The following FRAS1 variants were observed in gnomAD, a reference collection of about 807,000 sequenced individuals.
The protein encoded by FRAS1 is extracellular matrix organizing protein FRAS1.
In FRAS1, 290 loss-of-function variants were observed where a neutral mutation model predicts 435.2. That is an observed-to-expected ratio of 0.67 (90% CI 0.61 to 0.73). FRAS1 has a LOEUF of 0.73. Ranked by LOEUF, FRAS1 falls within the 30% of genes least tolerant of loss-of-function variation. FRAS1 has a pLI of 0.00. For missense variants in FRAS1, 4,860 were observed against 5,001.5 expected (o/e 0.97, Z 0.85); for synonymous variants, 1,800 against 1,851.0 (o/e 0.97, Z 0.71).
intron 2 of FRAS1, among the ~76,000 whole-genome samples, chr4:78,127,730 T>A (rs72860652): frequency 0.021 from 3,120 of 152,072 alleles, 104 homozygotes; most frequent in African/African-American, 0.07. Flanking sequence ...AGTAAGTTTT[T>A]TTTATTTATT....
At chr4:78,298,003 C>CCTCTCTCTCTCT (rs765903880) in intron 14 of FRAS1, among the ~76,000 whole-genome samples, 3 of 119,264 alleles carry the variant, frequency 2.5e-5, no homozygotes, top group Admixed American at 1.8e-4. Flanking sequence ...TTAATTTGTT[C>CCTCTCTCTCTCT]CTCTCTCTCT....
At chr4:78,418,322 T>C (rs916376071) in intron 32 of FRAS1, among the ~76,000 whole-genome samples, 2 of 152,208 alleles carry the variant, frequency 1.3e-5, no homozygotes, top group African/African-American at 4.8e-5. Context: ...TGGGGTGGGT[T>C]CACTTTTAGC....
At chr4:78,157,029 C>T (rs1007415046) in intron 2 of FRAS1, among the ~76,000 whole-genome samples, 2 of 152,158 alleles carry the variant, frequency 1.3e-5, no homozygotes, top group Non-Finnish European at 2.9e-5. Context: ...GGAAGTTTCT[C>T]GTTTAAGCTC....
chr4:78,169,596 T>C (rs1165012746), intron 2 of FRAS1, among the ~76,000 whole-genome samples: 1 of 152,164 alleles, frequency 6.6e-6, no homozygotes, highest in East Asian at 1.9e-4. Context: ...ATTATTATTG[T>C]ATTTTATTAT....
At position 78,334,246 on chromosome 4, in the gene FRAS1, C is replaced by T. The variant is rs932599300; in HGVS notation, c.2278+834C>T. On this transcript the variant is annotated intron_variant, in intron 19 of 73. Transcript: ENST00000512123. ...CACATCTTAGAAGCAACAAATATTA[C>T]CCTGGTGATAGATTCCTTTTTGATC... is the stretch of plus-strand genomic sequence containing the variant. Among the ~76,000 whole-genome samples the T allele has an allele frequency of 2.0e-5, 3 of 152,032 alleles. No homozygotes were observed. The South Asian group carries it at 6.2e-4, about 32-fold the overall frequency.
chr4:78,481,398 A>G (rs1333855580), intron 56 of FRAS1, among the ~76,000 whole-genome samples: 1 of 152,128 alleles, frequency 6.6e-6, no homozygotes, highest in Non-Finnish European at 1.5e-5. Context: ...TTAATTGACT[A>G]TTTTCTGACA....
intron 27 of FRAS1, 34 bp downstream of exon 27, chr4:78,380,030 C>G (rs764606539): frequency 3.1e-6 from 5 of 1,599,202 alleles, no homozygotes; most frequent in Non-Finnish European, 4.3e-6. Context: ...CTTCCTGCCT[C>G]CTTTCCATCA....
intron 41 of FRAS1, among the ~76,000 whole-genome samples, chr4:78,443,859 A>G (rs781030564): frequency 6.6e-6 from 1 of 151,980 alleles, no homozygotes; most frequent in African/African-American, 2.4e-5. Context: ...TAGGCTTTTT[A>G]TTTTTTTGAG....
intron 71 of FRAS1, 147 bp downstream of exon 71, chr4:78,534,762 C>A: frequency 1.5e-6 from 1 of 688,006 alleles, no homozygotes; most frequent in Non-Finnish European, 2.4e-6. Flanking sequence ...ACAGCCAGGA[C>A]TGAATCTAGG....
chr4:78,086,011 C>A (rs1485433529), intron 2 of FRAS1, among the ~76,000 whole-genome samples: 1 of 152,104 alleles, frequency 6.6e-6, no homozygotes, highest in African/African-American at 2.4e-5. Context: ...CCAAAATTGA[C>A]CACATAGTTG....
rs1221188650 is a variant in FRAS1 at position 78,057,813 on chromosome 4, G to T, written c.-197G>T. The T allele has an allele frequency of 8.7e-6, 5 of 572,708 alleles. No individual in the cohort carries two copies. Among genetic ancestry groups the T allele is most frequent in the Non-Finnish European group, 1.5e-5 (5 of 322,870 alleles). The allele number at this position is 572,708 out of a possible 1,614,324, so 35.5% of individuals were successfully genotyped here. A position where few individuals can be genotyped will look rare whatever the true frequency, so the allele number is the denominator to read the frequency against. On this transcript the variant is annotated 5_prime_UTR_variant, in exon 1 of 74. Coordinates refer to ENST00000512123, the MANE Select transcript of FRAS1 (RefSeq NM_025074.7). The surrounding 1 kb of genome is among the most constrained non-coding windows in gnomAD (Gnocchi z 4.2). The stretch of plus-strand genomic sequence containing the variant: ...TCTCTGCCTGAGCAGCGAGTGAATT[G>T]AACCCCAGCCCGCTCCGGCGCCTCC...
intron 2 of FRAS1, among the ~76,000 whole-genome samples, chr4:78,104,015 G>A (rs1391165855): frequency 6.6e-6 from 1 of 152,150 alleles, no homozygotes; most frequent in Non-Finnish European, 1.5e-5. Context: ...ACATGCACTT[G>A]TAAAAAGTAG....
chr4:78,089,402 A>C (rs1012994689), intron 2 of FRAS1, among the ~76,000 whole-genome samples: 2 of 152,166 alleles, frequency 1.3e-5, no homozygotes, highest in African/African-American at 4.8e-5. Flanking sequence ...CACATTGTGC[A>C]CATGTACCCT....
At chr4:78,412,122 C>G (rs559824662) in intron 31 of FRAS1, among the ~76,000 whole-genome samples, 1 of 149,982 alleles carries the variant, frequency 6.7e-6, no homozygotes, top group Non-Finnish European at 1.5e-5. Context: ...GACTCGATCC[C>G]AGGCATCTGA....
intron 61 of FRAS1, among the ~76,000 whole-genome samples, chr4:78,506,407 C>G (rs1170578244): frequency 2.0e-5 from 3 of 152,230 alleles, no homozygotes; most frequent in Admixed American, 6.5e-5. Flanking sequence ...GGGCTCCCCC[C>G]AGTTCGAGCT....
intron 2 of FRAS1, among the ~76,000 whole-genome samples, chr4:78,088,057 A>G (rs1006612809): frequency 2.0e-5 from 3 of 152,086 alleles, no homozygotes; most frequent in East Asian, 3.8e-4. Context: ...ACGAAACAGC[A>G]TGGTACTGGT....
At chr4:78,126,184 C>T (rs1236113734) in intron 2 of FRAS1, among the ~76,000 whole-genome samples, 3 of 152,072 alleles carry the variant, frequency 2.0e-5, no homozygotes, top group East Asian at 1.9e-4. Context: ...AGCAAGGCTC[C>T]GTGAGCATGG....
At chr4:78,330,013 C>G (rs183419226) in intron 18 of FRAS1, among the ~76,000 whole-genome samples, 3 of 152,256 alleles carry the variant, frequency 2.0e-5, no homozygotes, top group East Asian at 1.9e-4. Flanking sequence ...AATGAACAAG[C>G]CTTCATCGCC....
intron 2 of FRAS1, among the ~76,000 whole-genome samples, chr4:78,218,650 T>C (rs1355807683): frequency 2.6e-5 from 4 of 152,178 alleles, no homozygotes; most frequent in Non-Finnish European, 5.9e-5. Flanking sequence ...ACTCTTGAGA[T>C]TGCAGAGAGT....
Sources: gnomAD v4.1 joint callset for allele counts (sites outside exome capture counted in the v4.1 genomes callset) on GRCh38, gnomAD v4.1.1 for gene constraint, Gnocchi (gnomAD v3.1) non-coding constraint, MANE v1.5 for transcripts, NCBI Gene and HGNC (gene_info 2026-07-23, HGNC 2026-07-21) for gene names.